Variants in PXDNL observed in about 807,000 individuals in gnomAD.
PXDNL encodes peroxidasin like.
A neutral mutation model predicts 150.8 loss-of-function variants in PXDNL; 145 were observed. That is an observed-to-expected ratio of 0.96 (90% CI 0.84 to 1.10). PXDNL has a LOEUF of 1.10. PXDNL is among the 50% of genes least tolerant of loss of function. The pLI, the probability that PXDNL is intolerant of heterozygous loss-of-function variation, is 0.00. For synonymous variants in PXDNL, 757 were observed against 725.7 expected, an observed-to-expected ratio of 1.04 and a Z score of -0.69; for missense variants, 2,087 against 1,873.9, an observed-to-expected ratio of 1.11 and a Z score of -2.10.
At chr8:51,751,314 T>A (rs1383998563) in intron 1 of PXDNL, among the ~76,000 whole-genome samples, 1 of 152,176 alleles carries the variant, frequency 6.6e-6, no homozygotes, top group African/African-American at 2.4e-5. Flanking sequence ...CTATTAAAGA[T>A]CATGTTTTTA....
intron 1 of PXDNL, among the ~76,000 whole-genome samples, chr8:51,807,460 G>A (rs1340064022): frequency 1.3e-5 from 2 of 152,144 alleles, no homozygotes; most frequent in African/African-American, 2.4e-5. Context: ...AACATTGGGA[G>A]TTACAATTGA....
intron 5 of PXDNL, among the ~76,000 whole-genome samples, chr8:51,498,161 C>G (rs1335360009): frequency 6.6e-6 from 1 of 151,808 alleles, no homozygotes; most frequent in Admixed American, 6.6e-5. Flanking sequence ...AACCATCATT[C>G]TCAGCAAACT....
At chr8:51,652,827 A>G (rs55782999) in intron 2 of PXDNL, among the ~76,000 whole-genome samples, 3,904 of 152,312 alleles carry the variant, frequency 0.026, 181 homozygotes, top group African/African-American at 0.089. Flanking sequence ...AAAAATATTT[A>G]GAAACAAATT....
At chr8:51,367,098 C>T (rs3115785) in intron 19 of PXDNL, among the ~76,000 whole-genome samples, 1 of 43,282 alleles carries the variant, frequency 2.3e-5, no homozygotes. Flanking sequence ...AGACTCTTGT[C>T]TCAAAAAAAA....
chr8:51,435,749 C>G (rs958013011), intron 12 of PXDNL: 4 of 376,524 alleles, frequency 1.1e-5, no homozygotes, highest in African/African-American at 8.8e-5. Flanking sequence ...GATCCCAGGC[C>G]CCGTTTGCAA....
At chr8:51,332,941 C>T (rs1255601549) in intron 21 of PXDNL, among the ~76,000 whole-genome samples, 2 of 152,166 alleles carry the variant, frequency 1.3e-5, no homozygotes, top group Admixed American at 1.3e-4. Flanking sequence ...AAAACTTCCC[C>T]AGCCTTGCCA....
intron 1 of PXDNL, among the ~76,000 whole-genome samples, chr8:51,788,898 A>G (rs371752819): frequency 2.0e-5 from 3 of 152,300 alleles, no homozygotes; most frequent in East Asian, 1.9e-4. Flanking sequence ...TGCCTTCCAG[A>G]GCACCAACTA....
chr8:51,635,556 A>AT (rs1167827016), intron 2 of PXDNL, among the ~76,000 whole-genome samples: 2 of 152,054 alleles, frequency 1.3e-5, no homozygotes, highest in African/African-American at 4.8e-5. Flanking sequence ...GATAAATAAA[A>AT]TATGAGAGTA....
intron 17 of PXDNL, among the ~76,000 whole-genome samples, chr8:51,391,380 T>C (rs1052641265): frequency 8.5e-5 from 13 of 152,176 alleles, no homozygotes; most frequent in African/African-American, 3.1e-4. Context: ...TGTTCCTATT[T>C]CTCCACATCC....
chr8:51,756,964 C>G (rs2037108770), intron 1 of PXDNL, among the ~76,000 whole-genome samples: 1 of 152,180 alleles, frequency 6.6e-6, no homozygotes, highest in African/African-American at 2.4e-5. Context: ...TTTAGAACAT[C>G]ATACCAAAGT....
At chr8:51,620,702 C>T (rs1585626524) in intron 2 of PXDNL, among the ~76,000 whole-genome samples, 1 of 41,364 alleles carries the variant, frequency 2.4e-5, no homozygotes, top group East Asian at 5.1e-4. Context: ...CGCTGCCACG[C>T]CCGGCTAATT....
At chr8:51,547,835 C>G (rs113727421) in intron 4 of PXDNL, among the ~76,000 whole-genome samples, 3,974 of 152,106 alleles carry the variant, frequency 0.026, 96 homozygotes, top group African/African-American at 0.061. Flanking sequence ...TGGATCCAAA[C>G]AAAGAAGAAA....
At chr8:51,350,253 C>T (rs2915457) in intron 19 of PXDNL, among the ~76,000 whole-genome samples, 112,458 of 151,574 alleles carry the variant, frequency 0.74, 42,212 homozygotes, top group East Asian at 0.94. Context: ...GTGATTGATT[C>T]GCATAGGGCC....
Position 51,809,254 on chromosome 8 carries a change from A to G in PXDNL, c.91T>C (p.Phe31Leu). ...GLPCPSRCLC[F>L]KSTVRCMHLM... ...TGCATGCAGCGGACGGTGCTCTTAA[A>G]GCAAAGGCACCGGCTGGGGCAGGGC... The change falls in exon 1 of 23, where the codon TTT becomes CTT. Residue 31 changes from phenylalanine to leucine, a missense_variant. Physicochemically the swap from Phe to Leu is conservative, Grantham distance 22. Coordinates refer to ENST00000356297, the MANE Select transcript of PXDNL (RefSeq NM_144651.5). The G allele has an allele frequency of 6.2e-7, 1 of 1,610,596 alleles. No individual in the cohort carries two copies. The highest frequency in any genetic ancestry group is 8.5e-7 in the Non-Finnish European group (1 of 1,178,398).
At chr8:51,759,353 T>C (rs1272781809) in intron 1 of PXDNL, among the ~76,000 whole-genome samples, 1 of 152,212 alleles carries the variant, frequency 6.6e-6, no homozygotes, top group Non-Finnish European at 1.5e-5. Flanking sequence ...ATGAAGTTTC[T>C]AAATAAGTTC....
intron 5 of PXDNL, among the ~76,000 whole-genome samples, chr8:51,485,091 C>A (rs918322802): frequency 7.9e-5 from 12 of 152,104 alleles, no homozygotes; most frequent in Non-Finnish European, 1.5e-4. Context: ...TAAATAAAAT[C>A]ATGTGGCCAT....
At chr8:51,405,945 C>T (rs1808424157) in intron 17 of PXDNL, among the ~76,000 whole-genome samples, 1 of 152,176 alleles carries the variant, frequency 6.6e-6, no homozygotes. Context: ...GGGCCAATAT[C>T]CCATAGGCAT....
intron 1 of PXDNL, among the ~76,000 whole-genome samples, chr8:51,669,694 C>T (rs1210599289): frequency 6.6e-6 from 1 of 152,100 alleles, no homozygotes; most frequent in Non-Finnish European, 1.5e-5. Context: ...TAGAAAATGA[C>T]TATCAAAAGC....
At chr8:51,510,754 G>A (rs949486313) in intron 4 of PXDNL, among the ~76,000 whole-genome samples, 2 of 152,152 alleles carry the variant, frequency 1.3e-5, no homozygotes, top group African/African-American at 2.4e-5. Flanking sequence ...TCAGCACTTC[G>A]GGAGGCCAAA....
Sources: allele counts gnomAD v4.1 joint callset (sites outside exome capture counted in the v4.1 genomes callset), GRCh38; gene constraint gnomAD v4.1.1; transcripts MANE v1.5; gene names NCBI Gene and HGNC (gene_info 2026-07-23, HGNC 2026-07-21).